Variants in KDM3A observed in about 807,000 individuals in gnomAD.
KDM3A encodes lysine-specific demethylase 3A.
A neutral mutation model predicts 158.0 loss-of-function variants in KDM3A; 60 were observed. The observed-to-expected ratio is 0.38, with a 90% CI of 0.31 to 0.47. KDM3A has a LOEUF of 0.47. Among genes scored for constraint, KDM3A ranks in the 20% least tolerant of loss-of-function variants. The pLI, the probability that KDM3A is intolerant of heterozygous loss-of-function variation, is 0.99. For missense variants in KDM3A, 1,319 were observed against 1,574.3 expected (o/e 0.84, Z 2.74); for synonymous variants, 608 against 549.3 (o/e 1.11, Z -1.49).
intron 1 of KDM3A, among the ~76,000 whole-genome samples, chr2:86,441,791 G>A (rs1317731645): frequency 6.7e-6 from 1 of 148,884 alleles, no homozygotes; most frequent in African/African-American, 2.4e-5. Context: ...TGAGCTGTTA[G>A]AAAAGCCAAA....
chr2:86,447,732 T>G (rs1241816007), intron 2 of KDM3A, among the ~76,000 whole-genome samples: 1 of 152,198 alleles, frequency 6.6e-6, no homozygotes, highest in Non-Finnish European at 1.5e-5. Flanking sequence ...GTTAGTTGGT[T>G]TCCTTTGTAA....
intron 6 of KDM3A, 51 bp downstream of exon 6, chr2:86,456,617 T>C (rs375886526): frequency 1.3e-6 from 2 of 1,530,402 alleles, no homozygotes; most frequent in African/African-American, 2.8e-5. Flanking sequence ...GCATGATAAC[T>C]ATACAAAGCA....
At chr2:86,467,134 AC>A (rs1414765149) in intron 10 of KDM3A, among the ~76,000 whole-genome samples, 1 of 152,188 alleles carries the variant, frequency 6.6e-6, no homozygotes, top group African/African-American at 2.4e-5. Context: ...CAATAATTTT[AC>A]CCTGTGAATT....
intron 15 of KDM3A, chr2:86,479,438 G>A (rs1344210294): frequency 6.6e-6 from 1 of 152,214 alleles, no homozygotes; most frequent in African/African-American, 2.4e-5. Flanking sequence ...CGTGCTAGTT[G>A]TGTTACTTTG....
At chr2:86,440,983 G>T (rs1682668436), upstream of KDM3A, 1 of 152,216 alleles carries the variant, frequency 6.6e-6, no homozygotes, top group African/African-American at 2.4e-5. Flanking sequence ...ATAGCTCAGG[G>T]TCTCGCCATT....
intron 4 of KDM3A, among the ~76,000 whole-genome samples, chr2:86,454,129 A>C (rs768039084): frequency 6.6e-6 from 1 of 151,702 alleles, no homozygotes; most frequent in Non-Finnish European, 1.5e-5. Context: ...TTGTCCCCCC[A>C]CCTCCCTTTT....
At chr2:86,477,136 T>A (rs140885431) in intron 12 of KDM3A, among the ~76,000 whole-genome samples, 372 of 152,336 alleles carry the variant, frequency 2.4e-3, no homozygotes, top group African/African-American at 8.4e-3. Context: ...TCCCTCCAGT[T>A]ATTAGGTCTT....
chr2:86,469,536 C>T (rs1000619634), intron 10 of KDM3A, among the ~76,000 whole-genome samples: 12 of 152,130 alleles, frequency 7.9e-5, no homozygotes, highest in Admixed American at 4.6e-4. Context: ...TCAAATTCTC[C>T]GGCCTATTAC....
chr2:86,437,715 G>A (rs1180163330), upstream of KDM3A, among the ~76,000 whole-genome samples: 1 of 151,928 alleles, frequency 6.6e-6, no homozygotes, highest in Non-Finnish European at 1.5e-5. Flanking sequence ...TCTTCATATA[G>A]GTTGTGTTCA....
chr2:86,473,721 C>T (rs530706787), intron 11 of KDM3A, among the ~76,000 whole-genome samples: 7 of 152,122 alleles, frequency 4.6e-5, no homozygotes, highest in African/African-American at 1.4e-4. Context: ...TGTACTCCAG[C>T]CTGGGCATTG....
chr2:86,451,195 C>T lies in KDM3A; in HGVS notation c.435C>T (p.Asp145=), dbSNP rs1431556534. 1.9e-6 allele frequency: 3 copies of T among 1,602,444 alleles called. No homozygotes were observed. The highest frequency in any genetic ancestry group is 3.4e-5 in the Admixed American group (2 of 58,226). Residue 145 remains aspartate (D), a synonymous_variant, in exon 4 of 26, where the codon GAC becomes GAT. Transcript: ENST00000312912. The stretch of plus-strand genomic sequence containing the variant: ...AACAAAGAGTATTTCTTTCTAAAGA[C>T]CTTTTGAAGCCTATACAGGTAAAAC... ...GDQQRVFLSK[D]LLKPIQDVNS... is the part of the protein sequence containing the mutation.
At chr2:86,488,941 G>A (rs1028065914) in intron 21 of KDM3A, 1 of 200,202 alleles carries the variant, frequency 5.0e-6, no homozygotes, top group East Asian at 1.4e-4. Context: ...TTATGTGTGT[G>A]TGTGGGTGGG....
Position 86,466,758 on chromosome 2 carries a change from A to G in KDM3A, c.1394A>G (p.Asn465Ser). The G allele has an allele frequency of 1.2e-6, 2 of 1,613,858 alleles. No individual in the cohort carries two copies. The highest frequency in any genetic ancestry group is 1.7e-6 in the Non-Finnish European group (2 of 1,179,846). The change falls in exon 10 of 26, where the codon AAT becomes AGT. Residue 465 changes from asparagine to serine, a missense_variant. Around this residue, in one of 4 missense-constraint regions of KDM3A, gnomAD observed 652 missense variants for 627.2 expected, o/e 1.04. Coordinates refer to ENST00000312912, the MANE Select transcript of KDM3A (RefSeq NM_018433.6). The part of the protein sequence containing the change: ...VKAGVNSDSP[N>S]NCSGKKVEPS... ...GCAGGTGTCAATAGTGATAGCCCTA[A>G]TAACTGTTCAGGAAAAAAGGTAGAA...
chr2:86,483,365 C>T (rs1674032102), intron 18 of KDM3A: 1 of 152,344 alleles, frequency 6.6e-6, no homozygotes, highest in Non-Finnish European at 1.5e-5. Flanking sequence ...AAATAAATTT[C>T]CAAAATGTTT....
upstream of KDM3A, among the ~76,000 whole-genome samples, chr2:86,437,721 GTTCAT>G (rs1682513986): frequency 2.0e-5 from 3 of 152,016 alleles, no homozygotes; most frequent in South Asian, 2.1e-4. Context: ...TATAGGTTGT[GTTCAT>G]TTCATGTATT....
chr2:86,467,043 G>T (rs1022767752), intron 10 of KDM3A, among the ~76,000 whole-genome samples, 160 bp downstream of exon 10: 1 of 152,142 alleles, frequency 6.6e-6, no homozygotes, highest in African/African-American at 2.4e-5. Context: ...TCTCAGAAAC[G>T]ATTACTGTTA....
Position 86,450,970 on chromosome 2 carries a change from A to G in KDM3A, c.343-133A>G, listed in dbSNP as rs377634057. On this transcript the variant is annotated intron_variant, in intron 3 of 25. Transcript: ENST00000312912. ...ATCTATGGCTGCATAAATAGTTGTTATGAGATAACTTGCAGTAAATAAAAA... is the reference window on the plus strand; with the variant it reads ...ATCTATGGCTGCATAAATAGTTGTTGTGAGATAACTTGCAGTAAATAAAAA... The G allele has an allele frequency of 4.4e-5, 25 of 571,642 alleles. No individual in the cohort carries two copies. In the African/African-American group the frequency reaches 4.7e-4, roughly 11 times the overall value. The allele number at this position is 571,642 out of a possible 1,614,324, so 35.4% of individuals were successfully genotyped here. A position where few individuals can be genotyped will look rare whatever the true frequency, so the allele number is the denominator to read the frequency against.
Position 86,482,558 on chromosome 2 carries a change from G to A in KDM3A, c.2786G>A (p.Gly929Glu), listed in dbSNP as rs780872286. The change falls in exon 18 of 26, where the codon GGA becomes GAA. Residue 929 changes from glycine (G) to glutamate (E), a missense_variant. By Grantham distance (98) the Gly-to-Glu change is moderately conservative (BLOSUM62 -2). Around this residue, in one of 4 missense-constraint regions of KDM3A, gnomAD observed 368 missense variants for 415.8 expected, o/e 0.89. Coordinates refer to ENST00000312912, the MANE Select transcript of KDM3A (RefSeq NM_018433.6). ...TCTGATTTATCTAAGAGGCCTCAAG[G>A]ACTAACCATCAAGCCCAGCATTCTG... Reference protein sequence around the residue: ...TTSDLSKRPQGLTIKPSILGF... With the variant: ...TTSDLSKRPQELTIKPSILGF... The A allele has an allele frequency of 1.9e-6, 3 of 1,613,958 alleles. No individual in the cohort carries two copies. The highest frequency in any genetic ancestry group is 2.5e-6 in the Non-Finnish European group (3 of 1,180,008).
intron 5 of KDM3A, among the ~76,000 whole-genome samples, chr2:86,456,151 CAT>C (rs1384391226): frequency 1.3e-5 from 2 of 151,780 alleles, no homozygotes; most frequent in Admixed American, 1.3e-4. Context: ...GATTATCAGA[CAT>C]AGTATTTTTG....
Sources: allele counts gnomAD v4.1 joint callset (sites outside exome capture counted in the v4.1 genomes callset), GRCh38; gene constraint gnomAD v4.1.1; regional missense constraint gnomAD v4.1.1; transcripts MANE v1.5; gene names NCBI Gene and HGNC (gene_info 2026-07-23, HGNC 2026-07-21).